KSR1: variants seen among roughly 807,000 people sequenced by gnomAD.
KSR1 encodes the protein kinase suppressor of ras.
Under a neutral mutation model 92.9 loss-of-function variants are expected in KSR1, and 35 were observed. The ratio of observed to expected loss-of-function variants is 0.38; its 90% CI spans 0.29 to 0.50. KSR1 has a LOEUF of 0.50. KSR1 is among the 20% of genes least tolerant of loss of function. The probability of loss-of-function intolerance (pLI) is 0.94; values close to 1 mark genes in which losing one functional copy is unlikely to be tolerated. For missense variants in KSR1, 972 were observed against 1,158.5 expected (o/e 0.84, Z 2.34); for synonymous variants, 467 against 472.6 (o/e 0.99, Z 0.15).
At chr17:27,582,498 T>C in intron 3 of KSR1, 148 bp from the exon 4 acceptor site, 1 of 697,546 alleles carries the variant, frequency 1.4e-6, no homozygotes, top group Admixed American at 3.0e-5. Context: ...GCGGCCTTTA[T>C]AAACCAGGTA....
intron 1 of KSR1, among the ~76,000 whole-genome samples, chr17:27,472,600 G>A (rs1376836557): frequency 1.3e-5 from 2 of 152,190 alleles, no homozygotes; most frequent in African/African-American, 4.8e-5. Context: ...CCTGAGGTCA[G>A]GTGACCAGCC....
At chr17:27,604,436 G>T (rs2073678697) in intron 12 of KSR1, among the ~76,000 whole-genome samples, 1 of 152,178 alleles carries the variant, frequency 6.6e-6, no homozygotes, top group Admixed American at 6.5e-5. Flanking sequence ...GGGCTTTGGG[G>T]ATCACTGCCC....
intron 6 of KSR1, among the ~76,000 whole-genome samples, chr17:27,589,757 AATCT>A (rs768208139): frequency 8.5e-5 from 13 of 152,072 alleles, no homozygotes; most frequent in Non-Finnish European, 1.8e-4. Context: ...CCTTCCTTCA[AATCT>A]ATCTTTCGTG....
At chr17:27,527,093 A>C in intron 1 of KSR1, 2 of 409,998 alleles carry the variant, frequency 4.9e-6, no homozygotes, top group South Asian at 5.2e-5. Context: ...TGATTGCTTA[A>C]GGGCAATAGT....
chr17:27,482,093 G>A (rs1381989906), intron 1 of KSR1, among the ~76,000 whole-genome samples: 1 of 152,096 alleles, frequency 6.6e-6, no homozygotes, highest in Non-Finnish European at 1.5e-5. Flanking sequence ...TGTTGTTGGT[G>A]GTGCTGAGAA....
At chr17:27,515,586 T>A (rs1473820792) in intron 1 of KSR1, among the ~76,000 whole-genome samples, 1 of 152,118 alleles carries the variant, frequency 6.6e-6, no homozygotes, top group Admixed American at 6.5e-5. Flanking sequence ...AAATTATGCT[T>A]TTTAAATCTT....
At chr17:27,619,806 G>C (rs942026920) in intron 19 of KSR1, among the ~76,000 whole-genome samples, 1 of 152,160 alleles carries the variant, frequency 6.6e-6, no homozygotes, top group Non-Finnish European at 1.5e-5. Context: ...TCCGCCTCCC[G>C]GGTTCAAGCG....
At chr17:27,568,276 C>T (rs921903677) in intron 2 of KSR1, among the ~76,000 whole-genome samples, 4 of 152,238 alleles carry the variant, frequency 2.6e-5, no homozygotes, top group Admixed American at 1.3e-4. Context: ...TTGCTGTGGC[C>T]TGGCTCATCT....
At chr17:27,460,363 C>A (rs2019375380) in intron 1 of KSR1, among the ~76,000 whole-genome samples, 1 of 152,196 alleles carries the variant, frequency 6.6e-6, no homozygotes, top group Admixed American at 6.5e-5. Flanking sequence ...TCCTGCCAGC[C>A]TACTAGTACT....
At chr17:27,611,243 C>G (rs1206823202) in intron 17 of KSR1, 1 of 499,054 alleles carries the variant, frequency 2.0e-6, no homozygotes, top group Non-Finnish European at 3.6e-6. Context: ...GTGCTGAGGT[C>G]AGAATGACCA....
chr17:27,521,163 G>C (rs1339400873), intron 1 of KSR1, among the ~76,000 whole-genome samples: 1 of 152,056 alleles, frequency 6.6e-6, no homozygotes, highest in African/African-American at 2.4e-5. Flanking sequence ...TACCTCTGGG[G>C]TGGGAACTGG....
intron 1 of KSR1, among the ~76,000 whole-genome samples, chr17:27,546,057 G>A (rs2071161408): frequency 6.6e-6 from 1 of 152,204 alleles, no homozygotes; most frequent in Non-Finnish European, 1.5e-5. Flanking sequence ...GTGGTTTTGA[G>A]TTTGCACAGC....
chr17:27,526,871 C>T, intron 1 of KSR1: 1 of 667,422 alleles, frequency 1.5e-6, no homozygotes, highest in Non-Finnish European at 2.7e-6. Flanking sequence ...GGAAGTAGAG[C>T]TGCTCCAGCA....
chr17:27,577,691 T>C lies in KSR1; in HGVS notation c.520+52T>C. 1 of 1,421,278 alleles carries C rather than the reference T, an allele frequency of 7.0e-7. No homozygotes were observed. Among genetic ancestry groups the C allele is most frequent in the Non-Finnish European group, 9.6e-7 (1 of 1,041,728 alleles). 88.0% of individuals were successfully genotyped at this position (1,421,278 alleles called of 1,614,324 possible). On this transcript the variant is annotated intron_variant, in intron 3 of 20. Transcript: ENST00000644974. This position sits in a 1 kb window ranked among gnomAD's most constrained non-coding sequence, Gnocchi z 4.5. ...TTGCCTGGCCTGGTGCCCTTGGGGC[T>C]GTGGCCTTCACTATGGTGGGTGATG...
chr17:27,504,683 A>G (rs1193582223), intron 1 of KSR1, among the ~76,000 whole-genome samples: 1 of 152,126 alleles, frequency 6.6e-6, no homozygotes, highest in Non-Finnish European at 1.5e-5. Flanking sequence ...GCCTTCCCTG[A>G]GAGGACATCC....
At chr17:27,502,882 C>T (rs776422823) in intron 1 of KSR1, among the ~76,000 whole-genome samples, 4 of 152,182 alleles carry the variant, frequency 2.6e-5, no homozygotes, top group Non-Finnish European at 2.9e-5. Flanking sequence ...TGGCTGTTCC[C>T]ATCACTTCTC....
At chr17:27,560,755 C>T (rs1224564660) in intron 2 of KSR1, among the ~76,000 whole-genome samples, 2 of 152,194 alleles carry the variant, frequency 1.3e-5, no homozygotes, top group Non-Finnish European at 2.9e-5. Flanking sequence ...TTCCTAGCCT[C>T]TCCTTCCCAC....
chr17:27,489,231 C>T (rs1360250229), intron 1 of KSR1, among the ~76,000 whole-genome samples: 2 of 152,184 alleles, frequency 1.3e-5, no homozygotes, highest in Non-Finnish European at 2.9e-5. Context: ...CTGCCATGGG[C>T]GTGCCCACAT....
chr17:27,528,578 A>G (rs1409104847), intron 1 of KSR1, among the ~76,000 whole-genome samples: 1 of 151,930 alleles, frequency 6.6e-6, no homozygotes, highest in Non-Finnish European at 1.5e-5. Context: ...TTTTAAGCTG[A>G]GGATGTCCTC....
Sources: gnomAD v4.1 joint callset for allele counts (sites outside exome capture counted in the v4.1 genomes callset) on GRCh38, gnomAD v4.1.1 for gene constraint, Gnocchi (gnomAD v3.1) non-coding constraint, MANE v1.5 for transcripts, NCBI Gene and HGNC (gene_info 2026-07-23, HGNC 2026-07-21) for gene names.